The following TAS1R3 variants were observed in gnomAD, a reference collection of about 807,000 sequenced individuals.
The protein encoded by TAS1R3 is taste receptor type 1 member 3.
In TAS1R3, 58 loss-of-function variants were observed where a neutral mutation model predicts 46.1. The observed-to-expected ratio is 1.26, with a 90% confidence interval of 1.02 to 1.57. The LOEUF is 1.57. Ranked by LOEUF, TAS1R3 falls within the 40% of genes most tolerant of loss-of-function variation. The pLI, the probability that TAS1R3 is intolerant of heterozygous loss-of-function variation, is 0.00. For missense variants in TAS1R3, 1,422 were observed against 1,185.8 expected (o/e 1.20, Z -2.93); for synonymous variants, 724 against 544.7 (o/e 1.33, Z -4.58).
At position 1,332,795 on chromosome 1, in the gene TAS1R3, A is replaced by AAGCCCTGGCAGGTG; in HGVS notation, c.1270_1275+8dup. The AAGCCCTGGCAGGTG allele has an allele frequency of 6.2e-7, 1 of 1,604,294 alleles. No individual in the cohort carries two copies. The highest frequency in any genetic ancestry group is 8.5e-7 in the Non-Finnish European group (1 of 1,176,710). On this transcript the variant is annotated frameshift_variant, in exon 3 of 6. Transcript: ENST00000339381. LOFTEE classifies it high-confidence loss of function. ...AGGCTGCCCCGCGCAGGACCCCGTG[A>AAGCCCTGGCAGGTG]AGCCCTGGCAGGTGAGCCCGGGAGA...
At position 1,331,289 on chromosome 1, in the gene TAS1R3, A is replaced by T. The variant is rs1281314784; in HGVS notation, c.-57A>T. 3.3e-6 allele frequency: 5 copies of T among 1,507,046 alleles called. No homozygotes were observed. In the African/African-American group the frequency reaches 5.6e-5, roughly 17 times the overall value. 93.4% of individuals were successfully genotyped at this position (1,507,046 alleles called of 1,614,324 possible). Reference sequence around the variant, plus strand: ...CCGCTCCCCGCCCCGGGCTCACTCCATGTGAGGCCCCAGTCGGGGCAGCCA... The same window carrying T: ...CCGCTCCCCGCCCCGGGCTCACTCCTTGTGAGGCCCCAGTCGGGGCAGCCA... On this transcript the variant is annotated 5_prime_UTR_variant, in exon 1 of 6. It removes an upstream start codon present in the reference 5' UTR. Transcript: ENST00000339381.
In TAS1R3 at chr1:1,333,854, C is replaced by G. The variant is rs564406041; in HGVS notation, c.1949C>G (p.Thr650Arg). The G allele has an allele frequency of 6.2e-7, 1 of 1,600,626 alleles. No homozygotes were observed. Among genetic ancestry groups the G allele is most frequent in the African/African-American group, 1.3e-5 (1 of 75,022 alleles). The change falls in exon 6 of 6, where the codon ACA (threonine) becomes AGA (arginine). Residue 650 changes from threonine (T) to arginine (R), a missense_variant. Physicochemically the swap from Thr to Arg is moderately conservative, Grantham distance 71. Coordinates refer to ENST00000339381, the MANE Select transcript of TAS1R3 (RefSeq NM_152228.3). ...CTCCCGCTCACGGGCTGCCTGAGCA[C>G]ACTCTTCCTGCAGGCGGCCGAGATC... The part of the protein sequence containing the change: ...SHLPLTGCLS[T>R]LFLQAAEIFV...
Position 1,331,477 on chromosome 1 carries a change from C to T in TAS1R3, c.132C>T (p.Gly44=), listed in dbSNP as rs771919931. 2.6e-5 allele frequency: 42 copies of T among 1,606,908 alleles called. No homozygotes were observed. The East Asian group carries it at 5.1e-4, about 20-fold the overall frequency. ...DYVLGGLFPL[G]EAEEAGLRSR... ...TGCTGGGGGGGCTGTTCCCCCTGGG[C>T]GAGGCCGAGGAGGCTGGCCTCCGCA... is the stretch of plus-strand genomic sequence containing the variant. Residue 44 remains glycine, a synonymous_variant, in exon 1 of 6, where the codon GGC becomes GGT. Coordinates refer to ENST00000339381, the MANE Select transcript of TAS1R3 (RefSeq NM_152228.3).
At position 1,331,722 on chromosome 1, in the gene TAS1R3, G is replaced by A; in HGVS notation, c.276G>A (p.Gly92=). 1.2e-6 allele frequency: 2 copies of A among 1,612,930 alleles called. No individual in the cohort carries two copies. Among genetic ancestry groups the A allele is most frequent in the Non-Finnish European group, 1.7e-6 (2 of 1,180,004 alleles). ...ACAACAAGTCGGATCTGCTGCCCGG[G>A]CTGCGCCTGGGCTACGACCTCTTTG... ...EINNKSDLLP[G]LRLGYDLFDT... is the part of the protein sequence containing the mutation. Residue 92 remains glycine (G), a synonymous_variant, in exon 2 of 6, where the codon GGG becomes GGA. Transcript: ENST00000339381.
In TAS1R3 at chr1:1,332,652, A is replaced by G. The variant is rs756169012; in HGVS notation, c.1121A>G (p.Asp374Gly). The change falls in exon 3 of 6, where the codon GAC becomes GGC. Residue 374 changes from aspartate to glycine, a missense_variant. Transcript: ENST00000339381. ...DVVGQRCPQC[D>G]CITLQNVSAG... ...GTGGGCCAGCGCTGCCCGCAGTGTG[A>G]CTGCATCACGCTGCAGAACGTGAGC... 3.7e-6 allele frequency: 6 copies of G among 1,607,858 alleles called. No individual in the cohort carries two copies. The highest frequency in any genetic ancestry group is 5.1e-6 in the Non-Finnish European group (6 of 1,179,674).
At position 1,334,583 on chromosome 1, in the gene TAS1R3, T is replaced by C; in HGVS notation, c.*119T>C. On this transcript the variant is annotated 3_prime_UTR_variant, in exon 6 of 6. Transcript: ENST00000339381. Reference sequence around the variant, plus strand: ...CGCTCTAGGTTCTGACCCCAGGTTGTCTCCTGACCCTGACCCCACAGTGAG... The same window carrying C: ...CGCTCTAGGTTCTGACCCCAGGTTGCCTCCTGACCCTGACCCCACAGTGAG... 1 of 1,193,592 alleles carries C rather than the reference T, an allele frequency of 8.4e-7. No homozygotes were observed. The highest frequency in any genetic ancestry group is 1.5e-5 in the African/African-American group (1 of 65,022). The allele number at this position is 1,193,592 out of a possible 1,614,324, so 73.9% of individuals were successfully genotyped here.
Position 1,331,356 on chromosome 1 carries a change from C to T in TAS1R3, c.11C>T (p.Pro4Leu), listed in dbSNP as rs1212660241. Residue 4 changes from proline (P) to leucine (L), a missense_variant, in exon 1 of 6, where the codon CCT becomes CTT. Transcript: ENST00000339381. ...GAAGTTGCCTCTGCCATGCTGGGCC[C>T]TGCTGTCCTGGGCCTCAGCCTCTGG... is the stretch of plus-strand genomic sequence containing the variant. MLG[P>L]AVLGLSLWAL... 1.3e-6 allele frequency: 2 copies of T among 1,587,556 alleles called. No individual in the cohort carries two copies. Among genetic ancestry groups the T allele is most frequent in the East Asian group, 2.3e-5 (1 of 44,370 alleles).
Position 1,333,134 on chromosome 1 carries a change from G to C in TAS1R3, c.1479+10G>C, listed in dbSNP as rs764454620. ...CACGTCTGACAACCAGGTGAGGTGA[G>C]GGTGGGTGTGCCAGGCGTGCCCGTG... On this transcript the variant is annotated intron_variant, in intron 4 of 5. Coordinates refer to ENST00000339381, the MANE Select transcript of TAS1R3 (RefSeq NM_152228.3). The C allele has an allele frequency of 1.2e-6, 2 of 1,608,664 alleles. No homozygotes were observed. The highest frequency in any genetic ancestry group is 2.7e-5 in the African/African-American group (2 of 74,882).
Position 1,332,343 on chromosome 1 carries a change from T to C in TAS1R3, c.812T>C (p.Val271Ala). ...GTGAACCAGAGCAGCGTGCAGGTGG[T>C]GCTGCTGTTCGCCTCCGTGCACGCC... ...HQVNQSSVQV[V>A]LLFASVHAAH... The change falls in exon 3 of 6, where the codon GTG (valine) becomes GCG (alanine). Residue 271 changes from valine (V) to alanine (A), a missense_variant. Val to Ala is a moderately conservative substitution (Grantham distance 64, BLOSUM62 0). Coordinates refer to ENST00000339381, the MANE Select transcript of TAS1R3 (RefSeq NM_152228.3). 1 of 1,606,078 alleles carries C rather than the reference T, an allele frequency of 6.2e-7. No homozygotes were observed. The highest frequency in any genetic ancestry group is 8.5e-7 in the Non-Finnish European group (1 of 1,177,928).
chr1:1,334,739 G>A lies in TAS1R3; in HGVS notation c.*275G>A, dbSNP rs2100696205. The A allele has an allele frequency of 2.5e-6, 1 of 400,630 alleles. No individual in the cohort carries two copies. The highest frequency in any genetic ancestry group is 4.1e-5 in the Admixed American group (1 of 24,280). 24.8% of individuals were successfully genotyped at this position (400,630 alleles called of 1,614,324 possible). On this transcript the variant is annotated 3_prime_UTR_variant, in exon 6 of 6. Coordinates refer to ENST00000339381, the MANE Select transcript of TAS1R3 (RefSeq NM_152228.3). ...ACCCACTGTTCTGGAAAGAGGCCCG[G>A]AGGGCTCCCAGGGTACCCGCAACCC...
rs1234666180 is a variant in TAS1R3 at position 1,334,342 on chromosome 1, A to C, written c.2437A>C (p.Arg813=). ...CATCCTGGCTGCCTTCCACCTGCCC[A>C]GGTGTTACCTGCTCATGCGGCAGCC... The part of the protein sequence containing the change: ...LGILAAFHLP[R]CYLLMRQPGL... Residue 813 remains arginine (R), a synonymous_variant, in exon 6 of 6, where the codon AGG becomes CGG. Coordinates refer to ENST00000339381, the MANE Select transcript of TAS1R3 (RefSeq NM_152228.3). The C allele has an allele frequency of 1.9e-6, 3 of 1,611,744 alleles. No homozygotes were observed. Among genetic ancestry groups the C allele is most frequent in the Middle Eastern group, 1.7e-4 (1 of 6,052 alleles).
Position 1,331,360 on chromosome 1 carries a change from T to A in TAS1R3, c.15T>A (p.Ala5=), listed in dbSNP as rs141430443. ...TTGCCTCTGCCATGCTGGGCCCTGC[T>A]GTCCTGGGCCTCAGCCTCTGGGCTC... MLGP[A]VLGLSLWALL... The change falls in exon 1 of 6, where the codon GCT becomes GCA. Residue 5 remains alanine (A), a synonymous_variant. Coordinates refer to ENST00000339381, the MANE Select transcript of TAS1R3 (RefSeq NM_152228.3). The A allele has an allele frequency of 0.061, 97,129 of 1,588,200 alleles. 3,476 individuals are homozygous for A. The highest frequency in any genetic ancestry group is 0.074 in the Non-Finnish European group (86,590 of 1,168,148).
chr1:1,333,222 C>A, intron 4 of TAS1R3, 37 bp from the exon 5 acceptor site: 1 of 1,594,690 alleles, frequency 6.3e-7, no homozygotes, highest in South Asian at 1.1e-5. Flanking sequence ...GTGGGCATGC[C>A]CAGCCGAGCA....
chr1:1,334,043 T>C lies in TAS1R3; in HGVS notation c.2138T>C (p.Met713Thr), dbSNP rs1159355942. Residue 713 changes from methionine (M) to threonine (T), a missense_variant, in exon 6 of 6, where the codon ATG (methionine) becomes ACG (threonine). By Grantham distance (81) the Met-to-Thr change is moderately conservative (BLOSUM62 -1). Transcript: ENST00000339381. ...FPPEVVTDWH[M>T]LPTEALVHCR... ...CCGGAGGTGGTGACGGACTGGCACA[T>C]GCTGCCCACGGAGGCGCTGGTGCAC... is the stretch of plus-strand genomic sequence containing the variant. 2.5e-6 allele frequency: 4 copies of C among 1,601,696 alleles called. No individual in the cohort carries two copies. The highest frequency in any genetic ancestry group is 1.3e-5 in the African/African-American group (1 of 74,864).
Position 1,334,799 on chromosome 1 carries a change from C to G in TAS1R3, c.*335C>G, listed in dbSNP as rs1246223446. ...GCTCAGGAAAAGGACGCAGGGAGGCCCCGGCCAGATGGCTGGAAGCCCAAA... is the reference window on the plus strand; with the variant it reads ...GCTCAGGAAAAGGACGCAGGGAGGCGCCGGCCAGATGGCTGGAAGCCCAAA... On this transcript the variant is annotated 3_prime_UTR_variant, in exon 6 of 6. Coordinates refer to ENST00000339381, the MANE Select transcript of TAS1R3 (RefSeq NM_152228.3). 1 of 253,770 alleles carries G rather than the reference C, an allele frequency of 3.9e-6. No individual in the cohort carries two copies. The highest frequency in any genetic ancestry group is 2.2e-5 in the African/African-American group (1 of 44,754). The allele number at this position is 253,770 out of a possible 1,614,324, so 15.7% of individuals were successfully genotyped here.
rs199886617 is a variant in TAS1R3 at position 1,332,647 on chromosome 1, G to C, written c.1116G>C (p.Gln372His). Residue 372 changes from glutamine (Q) to histidine (H), a missense_variant, in exon 3 of 6, where the codon CAG becomes CAC. Gln to His is a conservative substitution (Grantham distance 24, BLOSUM62 0). Coordinates refer to ENST00000339381, the MANE Select transcript of TAS1R3 (RefSeq NM_152228.3). ...EEDVVGQRCPQCDCITLQNVS... is the reference protein window; with the variant it reads ...EEDVVGQRCPHCDCITLQNVS... ...ACGTGGTGGGCCAGCGCTGCCCGCA[G>C]TGTGACTGCATCACGCTGCAGAACG... The C allele has an allele frequency of 4.4e-6, 7 of 1,608,116 alleles. No homozygotes were observed. Among genetic ancestry groups the C allele is most frequent in the South Asian group, 1.1e-5 (1 of 91,002 alleles).
rs760225500 is a variant in TAS1R3 at position 1,333,921 on chromosome 1, G to C, written c.2016G>C (p.Leu672=). The stretch of plus-strand genomic sequence containing the variant: ...TGCCTCTGAGCTGGGCAGACCGGCT[G>C]AGTGGCTGCCTGCGGGGGCCCTGGG... ...SELPLSWADR[L]SGCLRGPWAW... Residue 672 remains leucine (L), a synonymous_variant, in exon 6 of 6, where the codon CTG becomes CTC. Transcript: ENST00000339381. The C allele has an allele frequency of 6.2e-6, 10 of 1,600,660 alleles. No homozygotes were observed. Among genetic ancestry groups the C allele is most frequent in the Middle Eastern group, 1.6e-4 (1 of 6,080 alleles).
Position 1,333,548 on chromosome 1 carries a change from C to T in TAS1R3, c.1643C>T (p.Pro548Leu), listed in dbSNP as rs561450608. Residue 548 changes from proline (P) to leucine (L), a missense_variant, in exon 6 of 6, where the codon CCG (proline) becomes CTG (leucine). Coordinates refer to ENST00000339381, the MANE Select transcript of TAS1R3 (RefSeq NM_152228.3). Reference sequence around the variant, plus strand: ...TTTTGTGGCCAGGATGAGTGGTCCCCGGAGCGAAGCACACGCTGCTTCCGC... The same window carrying T: ...TTTTGTGGCCAGGATGAGTGGTCCCTGGAGCGAAGCACACGCTGCTTCCGC... ...CTFCGQDEWS[P>L]ERSTRCFRRR... The T allele has an allele frequency of 4.3e-5, 69 of 1,603,596 alleles. No homozygotes were observed. The South Asian group carries it at 4.7e-4, about 11-fold the overall frequency.
In TAS1R3 at chr1:1,334,163, G is replaced by A; in HGVS notation, c.2258G>A (p.Ser753Asn). 6.3e-7 allele frequency: 1 copy of A among 1,587,446 alleles called. No homozygotes were observed. Among genetic ancestry groups the A allele is most frequent in the Non-Finnish European group, 8.6e-7 (1 of 1,167,026 alleles). Reference sequence around the variant, plus strand: ...TTCCTGGGCACTTTCCTGGTGCGGAGCCAGCCGGGCTGCTACAACCGTGCC... The same window carrying A: ...TTCCTGGGCACTTTCCTGGTGCGGAACCAGCCGGGCTGCTACAACCGTGCC... ...LCFLGTFLVR[S>N]QPGCYNRARG... is the part of the protein sequence containing the mutation. Residue 753 changes from serine (S) to asparagine (N), a missense_variant, in exon 6 of 6, where the codon AGC (serine) becomes AAC (asparagine). Ser to Asn is a conservative substitution (Grantham distance 46). Coordinates refer to ENST00000339381, the MANE Select transcript of TAS1R3 (RefSeq NM_152228.3).
Sources: allele counts gnomAD v4.1 joint callset, GRCh38; gene constraint gnomAD v4.1.1; transcripts MANE v1.5; gene names NCBI Gene and HGNC (gene_info 2026-07-23, HGNC 2026-07-21).